The following CDH23 variants were observed in gnomAD, a reference collection of about 807,000 sequenced individuals.
CDH23 encodes cadherin-23.
Under a neutral mutation model 317.1 loss-of-function variants are expected in CDH23, and 189 were observed. The ratio of observed to expected loss-of-function variants is 0.60; its 90% CI spans 0.53 to 0.67. The LOEUF (loss-of-function observed/expected upper bound fraction) is 0.67, where lower values mean the gene tolerates loss of function less well. Among genes scored for constraint, CDH23 ranks in the 30% least tolerant of loss-of-function variants. CDH23 has a pLI of 0.00. For synonymous variants in CDH23, 1,839 were observed against 1,876.8 expected (o/e 0.98, Z 0.52); for missense variants, 4,401 against 4,592.4 (o/e 0.96, Z 1.20).
In CDH23 at chr10:71,446,173, T is replaced by C. The variant is rs572939724; in HGVS notation, c.68-145T>C. On this transcript the variant is annotated intron_variant, in intron 2 of 69. Coordinates refer to ENST00000224721, the MANE Select transcript of CDH23 (RefSeq NM_022124.6). ...GTCCCCCACTTGCCTTGAGGCAGGA[T>C]AGTGACTTCCAGGGTCCTGGGAAGT... is the stretch of plus-strand genomic sequence containing the variant. The C allele has an allele frequency of 5.6e-4, 424 of 757,972 alleles. 8 individuals are homozygous for C. The highest frequency in any genetic ancestry group is 4.7e-3 in the South Asian group (297 of 63,120). The allele number at this position is 757,972 out of a possible 1,614,324, so 47.0% of individuals were successfully genotyped here. A position where few individuals can be genotyped will look rare whatever the true frequency, so the allele number is the denominator to read the frequency against.
chr10:71,813,634 C>T (rs1842018737), intron 69 of CDH23, among the ~76,000 whole-genome samples: 2 of 152,116 alleles, frequency 1.3e-5, no homozygotes, highest in Admixed American at 6.5e-5. Flanking sequence ...CGGCTGGGTG[C>T]GGTGGTTCAC....
chr10:71,553,311 C>A (rs114727960), intron 6 of CDH23, among the ~76,000 whole-genome samples: 1 of 152,136 alleles, frequency 6.6e-6, no homozygotes, highest in Non-Finnish European at 1.5e-5. Context: ...TCTCCTCAAA[C>A]CCCCCGGCCC....
In CDH23 at chr10:71,645,868, A is replaced by C. The variant is rs1180703797; in HGVS notation, c.1178A>C (p.Asn393Thr). The C allele has an allele frequency of 1.9e-6, 3 of 1,613,130 alleles. No homozygotes were observed. Residue 393 changes from asparagine (N) to threonine (T), a missense_variant, in exon 13 of 70, where the codon AAC (asparagine) becomes ACC (threonine). Asn to Thr is a moderately conservative substitution (Grantham distance 65, BLOSUM62 0). This residue lies in a region of CDH23 where 3,068 missense variants were observed against 3,203.3 expected (regional missense o/e 0.96). Coordinates refer to ENST00000224721, the MANE Select transcript of CDH23 (RefSeq NM_022124.6). ...NSMFEVYLVG[N>T]NSHHFIISPT... ...ATGTTTGAGGTGTACTTGGTGGGGA[A>C]CAACTCCCACCACTTCATCATCTCC...
At chr10:71,538,423 C>G (rs1290323634) in intron 6 of CDH23, among the ~76,000 whole-genome samples, 1 of 151,674 alleles carries the variant, frequency 6.6e-6, no homozygotes, top group East Asian at 1.9e-4. Flanking sequence ...TGGCCTCACT[C>G]GACGTTTGGG....
At chr10:71,525,073 A>G (rs971089050) in intron 6 of CDH23, among the ~76,000 whole-genome samples, 3 of 151,096 alleles carry the variant, frequency 2.0e-5, no homozygotes, top group Non-Finnish European at 1.5e-5. Flanking sequence ...ATGCCCAGCT[A>G]ATTTTTGTAT....
At chr10:71,684,435 C>T (rs80180932) in intron 18 of CDH23, among the ~76,000 whole-genome samples, 8 of 152,004 alleles carry the variant, frequency 5.3e-5, no homozygotes, top group African/African-American at 1.2e-4. Context: ...CCTGCTCCAC[C>T]CCCCCTGGAG....
chr10:71,774,134 C>T (rs1411239878), intron 38 of CDH23, among the ~76,000 whole-genome samples: 3 of 152,088 alleles, frequency 2.0e-5, no homozygotes, highest in Non-Finnish European at 2.9e-5. Flanking sequence ...ATCCCTACCC[C>T]GGGACACACA....
At chr10:71,584,285 G>A (rs1370739101) in intron 9 of CDH23, among the ~76,000 whole-genome samples, 1 of 152,094 alleles carries the variant, frequency 6.6e-6, no homozygotes, top group Non-Finnish European at 1.5e-5. Flanking sequence ...TGGGGTGGGT[G>A]ATGATGAAGA....
At chr10:71,713,454 G>A (rs1866074266) in intron 28 of CDH23, 1 of 591,034 alleles carries the variant, frequency 1.7e-6, no homozygotes, top group Admixed American at 3.0e-5. Flanking sequence ...AGGGAATCTG[G>A]GCCTGCCCAC....
intron 1 of CDH23, among the ~76,000 whole-genome samples, chr10:71,401,656 C>T (rs1190027103): frequency 2.6e-5 from 4 of 152,078 alleles, no homozygotes; most frequent in Non-Finnish European, 2.9e-5. Context: ...AAGCATGTAA[C>T]ACAATAGGGA....
At chr10:71,623,016 G>C in intron 11 of CDH23, 1 of 922,664 alleles carries the variant, frequency 1.1e-6, no homozygotes, top group Non-Finnish European at 1.3e-6. Flanking sequence ...CAAGCAACAA[G>C]TGTTATGTGC....
intron 38 of CDH23, among the ~76,000 whole-genome samples, chr10:71,766,933 G>A (rs1282968313): frequency 6.6e-6 from 1 of 152,210 alleles, no homozygotes; most frequent in African/African-American, 2.4e-5. Context: ...CGCCCTCCGT[G>A]CAACATTCCT....
At chr10:71,778,357 G>A in intron 40 of CDH23, 49 bp downstream of exon 40, 1 of 1,609,902 alleles carries the variant, frequency 6.2e-7, no homozygotes. Flanking sequence ...GTTGGCGAAG[G>A]ATGGGACCCA....
chr10:71,407,055 T>G (rs886076475), intron 1 of CDH23, among the ~76,000 whole-genome samples: 1 of 152,210 alleles, frequency 6.6e-6, no homozygotes, highest in African/African-American at 2.4e-5. Flanking sequence ...GTGAGAAATA[T>G]GAGGCACAGA....
intron 29 of CDH23, among the ~76,000 whole-genome samples, chr10:71,725,096 C>A (rs1866745588): frequency 6.6e-6 from 1 of 152,190 alleles, no homozygotes; most frequent in Admixed American, 6.5e-5. Flanking sequence ...GGAGCCCCAC[C>A]TGCTGGGGAC....
rs748865302 is a variant in CDH23, at chr10:71,779,302, G to A, written c.5223G>A (p.Val1741=). Residue 1741 remains valine, a synonymous_variant, in exon 41 of 70, where the codon GTG becomes GTA. Coordinates refer to ENST00000224721, the MANE Select transcript of CDH23 (RefSeq NM_022124.6). ...LVNVNDINDN[V]PTFPRDYEGP... ...ATGTGAATGACATCAACGACAATGTGCCTACCTTCCCCCGGGACTATGAGG... is the reference window on the plus strand; with the variant it reads ...ATGTGAATGACATCAACGACAATGTACCTACCTTCCCCCGGGACTATGAGG... 5 of 1,614,040 alleles carry A rather than the reference G, an allele frequency of 3.1e-6. No homozygotes were observed. The Admixed American group carries it at 8.3e-5, about 27-fold the overall frequency.
chr10:71,538,259 A>C (rs764189655), intron 6 of CDH23, among the ~76,000 whole-genome samples: 4 of 152,224 alleles, frequency 2.6e-5, no homozygotes, highest in Non-Finnish European at 5.9e-5. Context: ...CACAGTCTCC[A>C]GCATGTGTTA....
intron 38 of CDH23, chr10:71,755,456 A>G: frequency 6.2e-7 from 1 of 1,611,714 alleles, no homozygotes; most frequent in Non-Finnish European, 8.5e-7. Context: ...CCAGGGCTGC[A>G]GCCGTGATGT....
chr10:71,677,390 G>C, intron 15 of CDH23, 66 bp from the exon 16 acceptor site: 1 of 1,300,680 alleles, frequency 7.7e-7, no homozygotes, highest in Non-Finnish European at 1.1e-6. Flanking sequence ...GGGAAATGCC[G>C]GCCCCATCAA....
Sources: gnomAD v4.1 joint callset for allele counts (sites outside exome capture counted in the v4.1 genomes callset) on GRCh38, gnomAD v4.1.1 for gene constraint, gnomAD v4.1.1 regional missense constraint, MANE v1.5 for transcripts, NCBI Gene and HGNC (gene_info 2026-07-23, HGNC 2026-07-21) for gene names.